RALYL: variants seen among roughly 807,000 people sequenced by gnomAD.
RALYL encodes RNA-binding Raly-like protein.
A neutral mutation model predicts 35.1 loss-of-function variants in RALYL; 29 were observed. The ratio of observed to expected loss-of-function variants is 0.83; its 90% CI spans 0.61 to 1.13. RALYL has a LOEUF of 1.13. Among genes scored for constraint, RALYL ranks in the 50% most tolerant of loss-of-function variants. RALYL has a pLI of 0.00. For synonymous variants in RALYL, 120 were observed against 127.6 expected (o/e 0.94, Z 0.40); for missense variants, 359 against 360.4 (o/e 1.00, Z 0.03).
intron 1 of RALYL, among the ~76,000 whole-genome samples, chr8:84,489,910 A>C (rs969447697): frequency 2.6e-5 from 4 of 152,054 alleles, no homozygotes; most frequent in Non-Finnish European, 5.9e-5. Context: ...AGTGTCAAGA[A>C]ACAGGCCGAA....
At chr8:84,362,356 A>G (rs558506180) in intron 1 of RALYL, among the ~76,000 whole-genome samples, 20 of 152,212 alleles carry the variant, frequency 1.3e-4, no homozygotes, top group South Asian at 6.2e-4. Flanking sequence ...GAGTTGGGCA[A>G]TTTTTCTTAT....
At chr8:84,885,388 C>T (rs748310590) in intron 7 of RALYL, among the ~76,000 whole-genome samples, 6 of 151,978 alleles carry the variant, frequency 3.9e-5, no homozygotes, top group South Asian at 2.1e-4. Context: ...TTACATTTTA[C>T]AATAACCACT....
At chr8:84,389,807 C>T (rs956136686) in intron 1 of RALYL, among the ~76,000 whole-genome samples, 18 of 150,098 alleles carry the variant, frequency 1.2e-4, no homozygotes, top group Non-Finnish European at 1.5e-4. Flanking sequence ...AATTTGACTT[C>T]CTCTTTTCCT....
intron 1 of RALYL, among the ~76,000 whole-genome samples, chr8:84,372,886 G>GTTTTTTTTGTTTTGTTTTGTTT (rs1856064727): frequency 4.1e-4 from 16 of 39,062 alleles, no homozygotes; most frequent in Admixed American, 1.5e-3. Context: ...GCCAGCATCT[G>GTTTTTTTTGTTTTGTTTTGTTT]TTTTTTTTTT....
chr8:84,336,348 TTA>T (rs1847803233), intron 1 of RALYL, among the ~76,000 whole-genome samples: 1 of 152,166 alleles, frequency 6.6e-6, no homozygotes, highest in African/African-American at 2.4e-5. Flanking sequence ...CCAGGCTTTT[TTA>T]TTTTACTTTT....
At chr8:84,456,327 A>T (rs983346557) in intron 1 of RALYL, among the ~76,000 whole-genome samples, 1 of 152,064 alleles carries the variant, frequency 6.6e-6, no homozygotes, top group Non-Finnish European at 1.5e-5. Context: ...CACTCATCCG[A>T]ATTTGGTATC....
intron 1 of RALYL, among the ~76,000 whole-genome samples, chr8:84,194,210 A>G (rs1814669246): frequency 6.6e-6 from 1 of 152,214 alleles, no homozygotes; most frequent in Non-Finnish European, 1.5e-5. Flanking sequence ...CTGAGTATTA[A>G]AAGTGTAATT....
At chr8:84,710,508 C>T (rs1842000981) in intron 2 of RALYL, among the ~76,000 whole-genome samples, 1 of 150,428 alleles carries the variant, frequency 6.6e-6, no homozygotes. Context: ...CACCATGTTG[C>T]CCAGGCTGGT....
chr8:84,495,305 A>G (rs1198282687), intron 1 of RALYL, among the ~76,000 whole-genome samples: 2 of 152,136 alleles, frequency 1.3e-5, no homozygotes, highest in African/African-American at 4.8e-5. Flanking sequence ...ATGACACTAG[A>G]GTAATACACA....
intron 1 of RALYL, among the ~76,000 whole-genome samples, chr8:84,429,961 T>C (rs1349995662): frequency 1.3e-5 from 2 of 150,834 alleles, no homozygotes; most frequent in African/African-American, 4.9e-5. Context: ...CTCTGAAAGG[T>C]GCAGAAAGAA....
chr8:84,600,629 A>T (rs1815710522), intron 2 of RALYL, among the ~76,000 whole-genome samples: 1 of 151,956 alleles, frequency 6.6e-6, no homozygotes. Context: ...GGCCTTTGGG[A>T]CTCTGTGCAC....
At chr8:84,585,953 T>C (rs1407426810) in intron 2 of RALYL, among the ~76,000 whole-genome samples, 1 of 152,030 alleles carries the variant, frequency 6.6e-6, no homozygotes, top group Admixed American at 6.5e-5. Flanking sequence ...TCCCAGTACT[T>C]TGGGAGGCCG....
intron 3 of RALYL, among the ~76,000 whole-genome samples, chr8:84,798,960 G>A (rs886986670): frequency 6.6e-6 from 1 of 152,132 alleles, no homozygotes; most frequent in Non-Finnish European, 1.5e-5. Flanking sequence ...GAAGACAAAG[G>A]CTGAGAAGGT....
chr8:84,259,394 T>G (rs1367313372), intron 1 of RALYL, among the ~76,000 whole-genome samples: 6 of 152,190 alleles, frequency 3.9e-5, no homozygotes, highest in African/African-American at 1.2e-4. Context: ...AGCACTTTCA[T>G]ATATGTTATC....
At chr8:84,861,192 TA>T (rs1241118411) in intron 5 of RALYL, among the ~76,000 whole-genome samples, 2 of 152,192 alleles carry the variant, frequency 1.3e-5, no homozygotes, top group Non-Finnish European at 2.9e-5. Flanking sequence ...ATAAAATATG[TA>T]ACAATCATAA....
chr8:84,480,409 G>T (rs755456876), intron 1 of RALYL, among the ~76,000 whole-genome samples: 31 of 152,104 alleles, frequency 2.0e-4, no homozygotes, highest in Non-Finnish European at 3.2e-4. Flanking sequence ...CTTACTTTAA[G>T]ATCTGTTTGT....
chr8:84,353,894 G>T (rs558692837), intron 1 of RALYL, among the ~76,000 whole-genome samples: 24 of 149,714 alleles, frequency 1.6e-4, no homozygotes, highest in Non-Finnish European at 3.3e-4. Flanking sequence ...TATAACAAAA[G>T]GATCATTTTG....
rs943737888 is a variant in RALYL, at chr8:84,887,930, A to G, written c.858+154A>G. On this transcript the variant is annotated intron_variant, in intron 8 of 8. Transcript: ENST00000521268. ...ACATGAGTATAGTGCTTTGCACATA[A>G]TAAGTGCTCAATACTTTATTGCTAA... is the stretch of plus-strand genomic sequence containing the variant. Among the ~76,000 whole-genome samples the G allele has an allele frequency of 7.3e-4, 111 of 152,262 alleles. 3 individuals are homozygous for G. Among genetic ancestry groups the G allele is most frequent in the Admixed American group, 7.1e-3 (108 of 15,290 alleles).
At chr8:84,597,526 G>C (rs1031449936) in intron 2 of RALYL, among the ~76,000 whole-genome samples, 2 of 152,030 alleles carry the variant, frequency 1.3e-5, no homozygotes, top group Non-Finnish European at 2.9e-5. Context: ...TGTGACTCCA[G>C]TCTTGTCTCC....
Sources: allele counts gnomAD v4.1 joint callset (sites outside exome capture counted in the v4.1 genomes callset), GRCh38; gene constraint gnomAD v4.1.1; transcripts MANE v1.5; gene names NCBI Gene and HGNC (gene_info 2026-07-23, HGNC 2026-07-21).